The following ZZZ3 variants were observed in gnomAD, a reference collection of about 807,000 sequenced individuals.
The protein encoded by ZZZ3 is ZZ-type zinc finger-containing protein 3.
In ZZZ3, 22 loss-of-function variants were observed where a neutral mutation model predicts 95.2. The ratio of observed to expected loss-of-function variants is 0.23; its 90% CI spans 0.17 to 0.33. The LOEUF (loss-of-function observed/expected upper bound fraction) is 0.33, where lower values mean the gene tolerates loss of function less well. ZZZ3 is among the 10% of genes least tolerant of loss of function. The pLI, the probability that ZZZ3 is intolerant of heterozygous loss-of-function variation, is 1.00. For synonymous variants in ZZZ3, 335 were observed against 358.9 expected, an observed-to-expected ratio of 0.93 and a Z score of 0.75; for missense variants, 885 against 1,066.5, an observed-to-expected ratio of 0.83 and a Z score of 2.37.
At chr1:77,585,781 C>T (rs1199401390) in intron 5 of ZZZ3, among the ~76,000 whole-genome samples, 2 of 152,158 alleles carry the variant, frequency 1.3e-5, no homozygotes, top group Admixed American at 6.5e-5. Context: ...AAGCAAACAG[C>T]AGAAGTATCA....
intron 1 of ZZZ3, among the ~76,000 whole-genome samples, chr1:77,652,841 GGTCA>G (rs975187444): frequency 1.3e-5 from 2 of 152,124 alleles, no homozygotes; most frequent in Admixed American, 1.3e-4. Context: ...AACTGAAAGA[GGTCA>G]GTCACAAATG....
At chr1:77,617,900 G>A (rs1666471311) in intron 5 of ZZZ3, among the ~76,000 whole-genome samples, 1 of 152,016 alleles carries the variant, frequency 6.6e-6, no homozygotes, top group Non-Finnish European at 1.5e-5. Context: ...AAACAAGATT[G>A]CACCACTGCA....
chr1:77,625,923 G>A (rs1667293516), intron 5 of ZZZ3, among the ~76,000 whole-genome samples: 1 of 151,938 alleles, frequency 6.6e-6, no homozygotes, highest in East Asian at 1.9e-4. Context: ...CTTGAACCTG[G>A]GAGGCAGAGG....
chr1:77,650,888 G>C (rs1488280277), intron 1 of ZZZ3, among the ~76,000 whole-genome samples: 2 of 152,102 alleles, frequency 1.3e-5, no homozygotes, highest in South Asian at 2.1e-4. Flanking sequence ...AGATTCTATA[G>C]ATGTTTTAAA....
intron 5 of ZZZ3, among the ~76,000 whole-genome samples, chr1:77,599,978 G>T (rs906954745): frequency 6.6e-6 from 1 of 151,898 alleles, no homozygotes; most frequent in African/African-American, 2.4e-5. Context: ...TGCATGAAAG[G>T]TTTCATCAAC....
At chr1:77,672,288 C>T (rs1671858503) in intron 1 of ZZZ3, among the ~76,000 whole-genome samples, 1 of 152,180 alleles carries the variant, frequency 6.6e-6, no homozygotes, top group African/African-American at 2.4e-5. Context: ...AACTTTAGCA[C>T]ACACCAGAAT....
At chr1:77,577,389 G>T (rs1662065575) in intron 11 of ZZZ3, among the ~76,000 whole-genome samples, 4 of 152,180 alleles carry the variant, frequency 2.6e-5, no homozygotes, top group Admixed American at 2.6e-4. Flanking sequence ...ACAGGTTAAT[G>T]TAAGGTTCCA....
At chr1:77,666,222 A>C (rs1025457060) in intron 1 of ZZZ3, among the ~76,000 whole-genome samples, 3 of 151,826 alleles carry the variant, frequency 2.0e-5, no homozygotes, top group African/African-American at 4.8e-5. Flanking sequence ...ACCTTGTTCC[A>C]ACACTTTACA....
chr1:77,617,882 TTG>T, intron 5 of ZZZ3, among the ~76,000 whole-genome samples: 1 of 151,626 alleles, frequency 6.6e-6, no homozygotes, highest in African/African-American at 2.4e-5. Context: ...AAGGCGGAGG[TTG>T]CAGTGAAACA....
At chr1:77,673,711 T>C (rs1671994578) in intron 1 of ZZZ3, among the ~76,000 whole-genome samples, 1 of 152,218 alleles carries the variant, frequency 6.6e-6, no homozygotes, top group Non-Finnish European at 1.5e-5. Flanking sequence ...GATTTTATAA[T>C]CTACACACCA....
chr1:77,653,423 T>C (rs2100976263), intron 1 of ZZZ3, among the ~76,000 whole-genome samples: 1 of 152,298 alleles, frequency 6.6e-6, no homozygotes, highest in South Asian at 2.1e-4. Context: ...AAAAGGGTGA[T>C]TTTTATGGTT....
intron 1 of ZZZ3, among the ~76,000 whole-genome samples, chr1:77,657,090 C>T (rs1425668086): frequency 1.3e-5 from 2 of 152,194 alleles, no homozygotes; most frequent in South Asian, 4.1e-4. Flanking sequence ...AAGTGATTCT[C>T]ATGCCTCAGC....
chr1:77,645,084 A>T (rs943043656), intron 1 of ZZZ3, among the ~76,000 whole-genome samples: 7 of 151,848 alleles, frequency 4.6e-5, no homozygotes, highest in Non-Finnish European at 5.9e-5. Context: ...GCACACAATA[A>T]ATTAGTGGGG....
intron 5 of ZZZ3, among the ~76,000 whole-genome samples, chr1:77,588,188 A>G (rs1663298590): frequency 6.6e-6 from 1 of 152,176 alleles, no homozygotes; most frequent in Non-Finnish European, 1.5e-5. Context: ...ACATTTACTG[A>G]ATGCGTACTA....
At position 77,673,717 on chromosome 1, in the gene ZZZ3, C is replaced by T. The variant is rs139004338; in HGVS notation, c.-403+8868G>A. 1.2e-4 allele frequency among the ~76,000 whole-genome samples: 18 copies of T among 152,250 alleles called. 1 individual carries two copies. In the East Asian group the frequency reaches 1.7e-3, roughly 15 times the overall value. On this transcript the variant is annotated intron_variant, in intron 1 of 14. Transcript: ENST00000370801. ...AGCCTATTTGATTTTATAATCTACA[C>T]ACCACAATGTTGTACTGTTCATAAA...
rs772134357 is a variant in ZZZ3 at position 77,565,667 on chromosome 1, G to A, written c.2685C>T (p.Asp895=). ...ATCTGTTTGCTGGAAAGTAGTTTGG[G>A]TCAAGGTAATTGTAACTGGTGCCCT... is the stretch of plus-strand genomic sequence containing the variant. ...VSQGTSYNYL[D]PNYFPANR Residue 895 remains aspartate (D), a synonymous_variant, in exon 15 of 15, where the codon GAC becomes GAT. Coordinates refer to ENST00000370801, the MANE Select transcript of ZZZ3 (RefSeq NM_015534.6). 9 of 1,613,774 alleles carry A rather than the reference G, an allele frequency of 5.6e-6. No individual in the cohort carries two copies. In the South Asian group the frequency reaches 7.7e-5, roughly 14 times the overall value.
chr1:77,623,381 G>A (rs1400623380), intron 5 of ZZZ3, among the ~76,000 whole-genome samples: 1 of 152,090 alleles, frequency 6.6e-6, no homozygotes, highest in East Asian at 1.9e-4. Context: ...CACATAAGAT[G>A]AGACTCCACA....
At chr1:77,574,512 C>G (rs1661735798) in intron 12 of ZZZ3, among the ~76,000 whole-genome samples, 1 of 152,242 alleles carries the variant, frequency 6.6e-6, no homozygotes, top group African/African-American at 2.4e-5. Context: ...AACAGGCCTA[C>G]AAACAATGAT....
chr1:77,582,180 G>T (rs1662595148), intron 6 of ZZZ3, 54 bp from the exon 7 acceptor site: 2 of 1,517,872 alleles, frequency 1.3e-6, no homozygotes, highest in Non-Finnish European at 1.8e-6. Flanking sequence ...TTTAATTAAA[G>T]AAATAATCCA....
Sources: gnomAD v4.1 joint callset for allele counts (sites outside exome capture counted in the v4.1 genomes callset) on GRCh38, gnomAD v4.1.1 for gene constraint, MANE v1.5 for transcripts, NCBI Gene and HGNC (gene_info 2026-07-23, HGNC 2026-07-21) for gene names.